The following MSI2 variants were observed in gnomAD, a reference collection of about 807,000 sequenced individuals.
MSI2 encodes musashi RNA binding protein 2.
Under a neutral mutation model 45.6 loss-of-function variants are expected in MSI2, and 17 were observed. The observed-to-expected ratio is 0.37, with a 90% CI of 0.26 to 0.56. MSI2 has a LOEUF of 0.56. MSI2 is among the 20% of genes least tolerant of loss of function. The pLI is 0.77. For synonymous variants in MSI2, 156 were observed against 158.2 expected (o/e 0.99, Z 0.11); for missense variants, 293 against 444.2 (o/e 0.66, Z 3.06).
At chr17:57,307,972 A>G (rs1490971667) in intron 5 of MSI2, among the ~76,000 whole-genome samples, 1 of 152,194 alleles carries the variant, frequency 6.6e-6, no homozygotes, top group Non-Finnish European at 1.5e-5. Flanking sequence ...AGTGCCTTCC[A>G]TAGAGCCTGA....
Position 57,440,959 on chromosome 17 carries a change from TC to T in MSI2, c.405+39491del, listed in dbSNP as rs771729954. Among the ~76,000 whole-genome samples, 294 of 152,246 alleles carry T rather than the reference TC, an allele frequency of 1.9e-3. 2 individuals are homozygous for T. The highest frequency in any genetic ancestry group is 3.3e-3 in the Non-Finnish European group (224 of 68,014). On this transcript the variant is annotated intron_variant, in intron 6 of 13. Coordinates refer to ENST00000284073, the MANE Select transcript of MSI2 (RefSeq NM_138962.4). The stretch of plus-strand genomic sequence containing the variant: ...AGAGGAGGCCTCGGGTCAGGGGCCA[TC>T]CCGGGTGGGAGCTGTAGCTCTGGCC...
At chr17:57,273,225 A>G (rs904645004) in intron 5 of MSI2, among the ~76,000 whole-genome samples, 1 of 152,128 alleles carries the variant, frequency 6.6e-6, no homozygotes, top group Non-Finnish European at 1.5e-5. Flanking sequence ...AGGAAATTAG[A>G]GTGTGTTTGA....
In MSI2 at chr17:57,576,108, G is replaced by A. The variant is rs111523816; in HGVS notation, c.455-20760G>A. 9.8e-5 allele frequency among the ~76,000 whole-genome samples: 15 copies of A among 152,310 alleles called. 1 individual carries two copies. The highest frequency in any genetic ancestry group is 3.4e-4 in the African/African-American group (14 of 41,570). ...ATCATTTGTAAGACAGACACTGTGG[G>A]AAGGCCATCCTTTAAAGCCATTGAT... On this transcript the variant is annotated intron_variant, in intron 7 of 13. Transcript: ENST00000284073.
At chr17:57,380,117 A>G (rs1271187439) in intron 5 of MSI2, among the ~76,000 whole-genome samples, 1 of 152,232 alleles carries the variant, frequency 6.6e-6, no homozygotes, top group South Asian at 2.1e-4. Context: ...ACCCCAGCCA[A>G]TGCCAGGATG....
chr17:57,420,918 A>G (rs575892389), intron 6 of MSI2, among the ~76,000 whole-genome samples: 5 of 152,368 alleles, frequency 3.3e-5, no homozygotes, highest in African/African-American at 1.2e-4. Flanking sequence ...CGCTTTAATG[A>G]TAACAAGCTG....
intron 8 of MSI2, among the ~76,000 whole-genome samples, chr17:57,613,512 C>T (rs866019150): frequency 2.0e-5 from 3 of 151,972 alleles, no homozygotes; most frequent in Non-Finnish European, 2.9e-5. Flanking sequence ...ATTCTAATTC[C>T]GGTAGGGCAA....
chr17:57,373,722 T>G (rs755228958), intron 5 of MSI2, among the ~76,000 whole-genome samples: 2 of 152,214 alleles, frequency 1.3e-5, no homozygotes, highest in Non-Finnish European at 2.9e-5. Context: ...ACAGCCGCAC[T>G]GTCCCCATCC....
intron 7 of MSI2, among the ~76,000 whole-genome samples, chr17:57,553,008 G>A (rs2087341510): frequency 6.6e-6 from 1 of 152,206 alleles, no homozygotes; most frequent in Admixed American, 6.5e-5. Flanking sequence ...GGATTCCAGT[G>A]ACTTCAGAAA....
Position 57,552,879 on chromosome 17 carries a change from TCA to T in MSI2, c.454+23158_454+23159del, listed in dbSNP as rs1233721084. Among the ~76,000 whole-genome samples the T allele has an allele frequency of 5.3e-5, 8 of 152,184 alleles. No individual in the cohort carries two copies. Among genetic ancestry groups the T allele is most frequent in the African/African-American group, 4.8e-5 (2 of 41,446 alleles). ...ACCCGGAAATCACTGCCCCTAGAATTCACAGAGTGGAAGAACCAAGCTTTTTA... is the reference window on the plus strand; with the variant it reads ...ACCCGGAAATCACTGCCCCTAGAATTCAGAGTGGAAGAACCAAGCTTTTTA... On this transcript the variant is annotated intron_variant, in intron 7 of 13. Transcript: ENST00000284073. The surrounding 1 kb of genome is among the most constrained non-coding windows in gnomAD (Gnocchi z 4.3).
intron 10 of MSI2, among the ~76,000 whole-genome samples, chr17:57,648,052 T>A (rs1185536452): frequency 2.0e-5 from 3 of 152,018 alleles, no homozygotes; most frequent in Admixed American, 1.3e-4. Flanking sequence ...AACCTCCACC[T>A]TCCAGGTTCA....
At chr17:57,277,037 G>C (rs986909990) in intron 5 of MSI2, among the ~76,000 whole-genome samples, 12 of 150,400 alleles carry the variant, frequency 8.0e-5, no homozygotes, top group Admixed American at 3.3e-4. Context: ...CTGGGGGTTT[G>C]GGTTGGTTTT....
intron 5 of MSI2, chr17:57,267,578 A>G (rs1162911419): frequency 1.3e-5 from 2 of 151,416 alleles, no homozygotes; most frequent in East Asian, 3.9e-4. Context: ...CCTATTTTGT[A>G]TTTTTAAACC....
chr17:57,548,172 G>A (rs2087215173), intron 7 of MSI2, among the ~76,000 whole-genome samples: 1 of 152,156 alleles, frequency 6.6e-6, no homozygotes, highest in Non-Finnish European at 1.5e-5. Flanking sequence ...CAACTCTGGG[G>A]TCCAAAGCCC....
chr17:57,490,451 G>A (rs1340920724), intron 6 of MSI2, among the ~76,000 whole-genome samples: 1 of 152,142 alleles, frequency 6.6e-6, no homozygotes, highest in African/African-American at 2.4e-5. Flanking sequence ...TTCTCTAATC[G>A]GAGTTTGGGG....
At chr17:57,364,101 G>T (rs570649795) in intron 5 of MSI2, among the ~76,000 whole-genome samples, 1 of 152,138 alleles carries the variant, frequency 6.6e-6, no homozygotes, top group Non-Finnish European at 1.5e-5. Context: ...TAATTATTGT[G>T]TTCTATTTTA....
rs182108225 is a variant in MSI2, at chr17:57,438,864, C to T, written c.405+37393C>T. On this transcript the variant is annotated intron_variant, in intron 6 of 13. Coordinates refer to ENST00000284073, the MANE Select transcript of MSI2 (RefSeq NM_138962.4). ...TTGCCCAGGCTGGAGTGCAATGGCG[C>T]AGGTTGCTCACTGCAACCCCCGCCT... 4.6e-5 allele frequency among the ~76,000 whole-genome samples: 7 copies of T among 151,444 alleles called. No homozygotes were observed. In the East Asian group the frequency reaches 1.4e-3, roughly 29 times the overall value.
At chr17:57,527,306 A>G (rs1276758899) in intron 6 of MSI2, among the ~76,000 whole-genome samples, 2 of 133,716 alleles carry the variant, frequency 1.5e-5, no homozygotes, top group African/African-American at 5.4e-5. Context: ...ATTCCTATTG[A>G]GTCCCAGGGT....
chr17:57,520,235 C>T (rs1374658706), intron 6 of MSI2, among the ~76,000 whole-genome samples: 1 of 152,102 alleles, frequency 6.6e-6, no homozygotes, highest in Non-Finnish European at 1.5e-5. Context: ...CTGATACAGA[C>T]TTGTGGAATC....
downstream of MSI2, among the ~76,000 whole-genome samples, chr17:57,689,478 A>G (rs958786256): frequency 5.3e-5 from 8 of 152,190 alleles, no homozygotes; most frequent in Non-Finnish European, 1.2e-4. Context: ...CAACAGTTTC[A>G]AGGCCACAAT....
Sources: allele counts gnomAD v4.1 joint callset (sites outside exome capture counted in the v4.1 genomes callset), GRCh38; gene constraint gnomAD v4.1.1; non-coding constraint Gnocchi (gnomAD v3.1); transcripts MANE v1.5; gene names NCBI Gene and HGNC (gene_info 2026-07-23, HGNC 2026-07-21).